STK10: variants seen among roughly 807,000 people sequenced by gnomAD.
STK10 encodes the protein serine/threonine kinase 10.
In STK10, 78 loss-of-function variants were observed where a neutral mutation model predicts 113.8. The ratio of observed to expected loss-of-function variants is 0.69; its 90% CI spans 0.57 to 0.83. The LOEUF (loss-of-function observed/expected upper bound fraction) is 0.83. Among genes scored for constraint, STK10 ranks in the 40% least tolerant of loss-of-function variants. The pLI is 0.00. For missense variants in STK10, 1,109 were observed against 1,280.1 expected (o/e 0.87, Z 2.04); for synonymous variants, 465 against 494.7 (o/e 0.94, Z 0.80).
chr5:172,179,750 T>C (rs1480388669), intron 1 of STK10, among the ~76,000 whole-genome samples: 1 of 152,162 alleles, frequency 6.6e-6, no homozygotes, highest in Non-Finnish European at 1.5e-5. Context: ...GGTTACTGCC[T>C]GGGGCCAGAT....
intron 3 of STK10, among the ~76,000 whole-genome samples, chr5:172,126,504 C>T (rs980428194): frequency 1.3e-5 from 2 of 152,094 alleles, no homozygotes; most frequent in South Asian, 2.1e-4. Flanking sequence ...GTGGAGGTTA[C>T]AGTAAGCTGA....
intron 2 of STK10, among the ~76,000 whole-genome samples, chr5:172,152,653 C>T (rs1009709376): frequency 1.3e-5 from 2 of 152,166 alleles, no homozygotes; most frequent in Non-Finnish European, 1.5e-5. Flanking sequence ...AATTTGAAAA[C>T]TGAGACTTGG....
At chr5:172,046,180 C>G (rs188533218) in intron 18 of STK10, among the ~76,000 whole-genome samples, 2 of 151,276 alleles carry the variant, frequency 1.3e-5, no homozygotes, top group East Asian at 4.0e-4. Flanking sequence ...GCCAACAAGG[C>G]GAAACCCCAT....
chr5:172,158,378 G>A (rs1157249635), intron 1 of STK10, among the ~76,000 whole-genome samples: 1 of 152,058 alleles, frequency 6.6e-6, no homozygotes, highest in Non-Finnish European at 1.5e-5. Flanking sequence ...AATAGATGAA[G>A]AATATTTGGG....
At chr5:172,184,232 G>C (rs1770914070) in intron 1 of STK10, among the ~76,000 whole-genome samples, 1 of 152,164 alleles carries the variant, frequency 6.6e-6, no homozygotes, top group Non-Finnish European at 1.5e-5. Flanking sequence ...AACCAAGTGG[G>C]CAGGAGTCGT....
chr5:172,179,568 G>A (rs937193480), intron 1 of STK10, among the ~76,000 whole-genome samples: 7 of 152,166 alleles, frequency 4.6e-5, no homozygotes, highest in African/African-American at 9.7e-5. Context: ...TTCCCAGAAC[G>A]GCCAGTGTGA....
chr5:172,114,373 G>A (rs1769319179), intron 4 of STK10, among the ~76,000 whole-genome samples: 1 of 138,008 alleles, frequency 7.2e-6, no homozygotes. Context: ...TTATTTTTCA[G>A]ATTAAAAACT....
chr5:172,148,989 C>T (rs1422492168), intron 2 of STK10, among the ~76,000 whole-genome samples: 1 of 152,132 alleles, frequency 6.6e-6, no homozygotes, highest in Non-Finnish European at 1.5e-5. Flanking sequence ...AGTTGGAGAC[C>T]AGCCCTGTCT....
rs1768458047 is a variant in STK10 at position 172,082,573 on chromosome 5, G to T, written c.1810-68C>A. ...TATACCTGGGAGGGACATGGGAAGT[G>T]GAATGGGGAGAACTCAGAGCTTGTG... On this transcript the variant is annotated intron_variant, in intron 11 of 18. Transcript: ENST00000176763. The surrounding 1 kb of genome is among the most constrained non-coding windows in gnomAD (Gnocchi z 4.3). 6.7e-7 allele frequency: 1 copy of T among 1,498,740 alleles called. No homozygotes were observed. The highest frequency in any genetic ancestry group is 8.9e-7 in the Non-Finnish European group (1 of 1,120,108). 92.8% of individuals were successfully genotyped at this position (1,498,740 alleles called of 1,614,324 possible).
rs1347790474 is a variant in STK10, at chr5:172,043,173, C to A, written c.*1709G>T. On this transcript the variant is annotated 3_prime_UTR_variant, in exon 19 of 19. Transcript: ENST00000176763. ...GCAGTGGTGTGACCTTGGCTTACTGCAACCTCTGCCTCCTGGGTTCAAGCG... is the reference window on the plus strand; with the variant it reads ...GCAGTGGTGTGACCTTGGCTTACTGAAACCTCTGCCTCCTGGGTTCAAGCG... The A allele has an allele frequency of 6.6e-6, 1 of 150,910 alleles. No homozygotes were observed. Among genetic ancestry groups the A allele is most frequent in the African/African-American group, 2.4e-5 (1 of 40,820 alleles). The allele number at this position is 150,910 out of a possible 1,614,324, so 9.3% of individuals were successfully genotyped here.
At chr5:172,057,182 G>A (rs1050196554) in intron 15 of STK10, 167 bp downstream of exon 15, 12 of 871,710 alleles carry the variant, frequency 1.4e-5, no homozygotes, top group Admixed American at 5.3e-5. Context: ...GAAGCAGGAC[G>A]CCCCTGGAGA....
intron 7 of STK10, among the ~76,000 whole-genome samples, chr5:172,104,592 C>A (rs1406088168): frequency 6.6e-6 from 1 of 152,176 alleles, no homozygotes; most frequent in Non-Finnish European, 1.5e-5. Context: ...TCCCCTAATG[C>A]ACAGATAAAG....
chr5:172,166,940 T>C (rs1241297459), intron 1 of STK10, among the ~76,000 whole-genome samples: 1 of 150,088 alleles, frequency 6.7e-6, no homozygotes, highest in African/African-American at 2.5e-5. Flanking sequence ...GGCGGGCGGA[T>C]CAGAAAGTCA....
At chr5:172,077,561 C>T (rs9313574) in intron 12 of STK10, among the ~76,000 whole-genome samples, 32,139 of 152,074 alleles carry the variant, frequency 0.21, 4,424 homozygotes, top group African/African-American at 0.39. Flanking sequence ...TATACACATA[C>T]ACAGGAAGAT....
At chr5:172,163,355 T>C (rs2113825032) in intron 1 of STK10, among the ~76,000 whole-genome samples, 1 of 152,254 alleles carries the variant, frequency 6.6e-6, no homozygotes, top group South Asian at 2.1e-4. Context: ...CTCCAAAACA[T>C]TTCCCCCAAA....
At chr5:172,117,451 G>A in intron 4 of STK10, 30 bp downstream of exon 4, 1 of 1,606,644 alleles carries the variant, frequency 6.2e-7, no homozygotes, top group Non-Finnish European at 8.5e-7. Context: ...ACACCCTGTG[G>A]CTCCACCTTT....
At chr5:172,077,130 T>C (rs934868829) in intron 12 of STK10, among the ~76,000 whole-genome samples, 2 of 152,246 alleles carry the variant, frequency 1.3e-5, no homozygotes, top group African/African-American at 4.8e-5. Flanking sequence ...GGGAACTGCA[T>C]GCTGCTGGAT....
intron 10 of STK10, among the ~76,000 whole-genome samples, chr5:172,083,792 C>A (rs1338663392): frequency 6.6e-6 from 1 of 151,936 alleles, no homozygotes; most frequent in Non-Finnish European, 1.5e-5. Flanking sequence ...CCTGTACTCC[C>A]AGCTACTCAG....
In STK10 at chr5:172,044,952, T is replaced by A; in HGVS notation, c.2837A>T (p.Glu946Val). Residue 946 changes from glutamate to valine, a missense_variant, in exon 19 of 19, where the codon GAG becomes GTG. This residue lies in a region of STK10 where 885 missense variants were observed against 991.1 expected (regional missense o/e 0.89). Transcript: ENST00000176763. This position sits in a 1 kb window ranked among gnomAD's most constrained non-coding sequence, Gnocchi z 4.5. ...GCTTGGGGTGGAGGGGTTTGGGCACTCCGCCTCCTCGCTCAGCTTGAAGAA... is the reference window on the plus strand; with the variant it reads ...GCTTGGGGTGGAGGGGTTTGGGCACACCGCCTCCTCGCTCAGCTTGAAGAA... ...EMFFKLSEEAECPNPSTPSKA... is the reference protein window; with the variant it reads ...EMFFKLSEEAVCPNPSTPSKA... 6.2e-7 allele frequency: 1 copy of A among 1,614,158 alleles called. No individual in the cohort carries two copies. Among genetic ancestry groups the A allele is most frequent in the Non-Finnish European group, 8.5e-7 (1 of 1,180,034 alleles).
Sources: gnomAD v4.1 joint callset for allele counts (sites outside exome capture counted in the v4.1 genomes callset) on GRCh38, gnomAD v4.1.1 for gene constraint, gnomAD v4.1.1 regional missense constraint, Gnocchi (gnomAD v3.1) non-coding constraint, MANE v1.5 for transcripts, NCBI Gene and HGNC (gene_info 2026-07-23, HGNC 2026-07-21) for gene names.